The following PSPC1 variants were observed in gnomAD, a reference collection of about 807,000 sequenced individuals.
The protein encoded by PSPC1 is paraspeckle protein 1.
Under a neutral mutation model 51.6 loss-of-function variants are expected in PSPC1, and 14 were observed. The ratio of observed to expected loss-of-function variants is 0.27; its 90% CI spans 0.18 to 0.42. PSPC1 has a LOEUF of 0.42. PSPC1 is among the 10% of genes least tolerant of loss of function. PSPC1 has a pLI of 1.00. For missense variants in PSPC1, 406 were observed against 701.1 expected (o/e 0.58, Z 4.75); for synonymous variants, 193 against 231.9 (o/e 0.83, Z 1.53).
At chr13:19,671,220 T>A (rs759366173), downstream of PSPC1, 241 of 1,613,948 alleles carry the variant, frequency 1.5e-4, no homozygotes, top group Non-Finnish European at 2.0e-4. Flanking sequence ...GTCATTTTGT[T>A]TACTCATTCA....
intron 1 of PSPC1, among the ~76,000 whole-genome samples, chr13:19,777,429 CA>C (rs397938970): frequency 6.1e-3 from 291 of 47,894 alleles, no homozygotes; most frequent in South Asian, 8.2e-3. Context: ...GACCTCAGCT[CA>C]AAAAAAAAAA....
chr13:19,703,154 TAGCCAGGA>T lies in PSPC1; in HGVS notation c.*13_*20del. On this transcript the variant is annotated 3_prime_UTR_variant, in exon 9 of 9. Transcript: ENST00000338910. ...TACCACTGACTTTTTTTTTTCTAGA[TAGCCAGGA>T]ATGAACGAATGTTTAATATCTACGA... 6.2e-7 allele frequency: 1 copy of T among 1,607,138 alleles called. No homozygotes were observed. Among genetic ancestry groups the T allele is most frequent in the Non-Finnish European group, 8.5e-7 (1 of 1,176,022 alleles).
downstream of PSPC1, among the ~76,000 whole-genome samples, chr13:19,674,045 T>C (rs889431087): frequency 6.6e-6 from 1 of 152,208 alleles, no homozygotes; most frequent in Non-Finnish European, 1.5e-5. Flanking sequence ...GCCTAGGACA[T>C]AGGTGATCTC....
chr13:19,779,016 C>T (rs1183521141), intron 1 of PSPC1, among the ~76,000 whole-genome samples: 1 of 139,360 alleles, frequency 7.2e-6, no homozygotes, highest in Non-Finnish European at 1.6e-5. Context: ...AGCGCCTCTG[C>T]CCCGCTGCCC....
intron 6 of PSPC1, among the ~76,000 whole-genome samples, chr13:19,723,850 G>A (rs1026710205): frequency 6.6e-6 from 1 of 152,242 alleles, no homozygotes; most frequent in South Asian, 2.1e-4. Context: ...ATTAACAACC[G>A]AAACTAGTCA....
chr13:19,754,568 T>C (rs1886884805), intron 3 of PSPC1, among the ~76,000 whole-genome samples: 1 of 150,320 alleles, frequency 6.7e-6, no homozygotes, highest in Non-Finnish European at 1.5e-5. Context: ...GCCTCCCGAA[T>C]AGCTGGGATT....
downstream of PSPC1, chr13:19,671,851 T>G: frequency 6.2e-7 from 1 of 1,614,138 alleles, no homozygotes; most frequent in Non-Finnish European, 8.5e-7. Context: ...TGCTAATAGG[T>G]GCATACAGAG....
chr13:19,781,958 A>G (rs1485990942), intron 1 of PSPC1, among the ~76,000 whole-genome samples: 1 of 152,198 alleles, frequency 6.6e-6, no homozygotes, highest in African/African-American at 2.4e-5. Flanking sequence ...TGTACATCCA[A>G]TTCGTTTTTT....
intron 7 of PSPC1, chr13:19,675,225 A>AGTT (rs1414574576): frequency 2.0e-5 from 3 of 152,284 alleles, no homozygotes; most frequent in Admixed American, 6.5e-5. Context: ...CAATTTTGAG[A>AGTT]GTTGACCCAA....
At chr13:19,671,573 T>C (rs1273683426), downstream of PSPC1, among the ~76,000 whole-genome samples, 1 of 152,210 alleles carries the variant, frequency 6.6e-6, no homozygotes, top group African/African-American at 2.4e-5. Flanking sequence ...CAAATGTATG[T>C]CTTTAGGCCG....
downstream of PSPC1, among the ~76,000 whole-genome samples, chr13:19,697,660 A>G (rs1879417422): frequency 6.6e-6 from 1 of 152,188 alleles, no homozygotes; most frequent in Non-Finnish European, 1.5e-5. Flanking sequence ...ACAGTGATTA[A>G]CAACTAAGCA....
chr13:19,749,987 T>G (rs1886372509), intron 4 of PSPC1, among the ~76,000 whole-genome samples: 4 of 152,178 alleles, frequency 2.6e-5, no homozygotes. Context: ...GACTTCATCA[T>G]AAGTGCTCAA....
chr13:19,714,881 T>C (rs1483181038), intron 6 of PSPC1, among the ~76,000 whole-genome samples: 1 of 152,200 alleles, frequency 6.6e-6, no homozygotes, highest in Non-Finnish European at 1.5e-5. Context: ...GTTATTAACA[T>C]ACTCCTCCCT....
chr13:19,703,032 A>G lies in PSPC1; in HGVS notation c.*143T>C. ...AAGCTCATGAATAAAGAAAAATACA[A>G]AAACCTCAAGTTTTACAAAAAAAAA... is the stretch of plus-strand genomic sequence containing the variant. On this transcript the variant is annotated 3_prime_UTR_variant, in exon 9 of 9. Coordinates refer to ENST00000338910, the MANE Select transcript of PSPC1 (RefSeq NM_001354909.2). The G allele has an allele frequency of 1.9e-6, 1 of 529,836 alleles. No homozygotes were observed. Among genetic ancestry groups the G allele is most frequent in the Admixed American group, 3.7e-5 (1 of 27,250 alleles). 32.8% of individuals were successfully genotyped at this position (529,836 alleles called of 1,614,324 possible).
downstream of PSPC1, among the ~76,000 whole-genome samples, chr13:19,698,975 A>C (rs1173262294): frequency 6.6e-6 from 1 of 151,904 alleles, no homozygotes; most frequent in Non-Finnish European, 1.5e-5. Context: ...ATCAAATAGT[A>C]AGTTTCAACA....
chr13:19,751,962 G>A (rs964548251), intron 3 of PSPC1, among the ~76,000 whole-genome samples: 1 of 152,180 alleles, frequency 6.6e-6, no homozygotes, highest in African/African-American at 2.4e-5. Context: ...GGAGGCTGAG[G>A]CAGGAGAATG....
At chr13:19,720,551 A>G (rs1882643007) in intron 6 of PSPC1, among the ~76,000 whole-genome samples, 1 of 152,342 alleles carries the variant, frequency 6.6e-6, no homozygotes, top group East Asian at 1.9e-4. Context: ...TTTTCTTCTA[A>G]GTAACTAACT....
At chr13:19,722,967 C>T (rs1329778722) in intron 6 of PSPC1, among the ~76,000 whole-genome samples, 1 of 151,800 alleles carries the variant, frequency 6.6e-6, no homozygotes, top group Non-Finnish European at 1.5e-5. Context: ...AAAAATTAGC[C>T]GGATGTAGTG....
intron 6 of PSPC1, among the ~76,000 whole-genome samples, chr13:19,722,332 A>AT (rs1882868099): frequency 6.6e-6 from 1 of 152,026 alleles, no homozygotes; most frequent in African/African-American, 2.4e-5. Flanking sequence ...CTCCAACTCT[A>AT]CAAAAAAAAT....
Sources: gnomAD v4.1 joint callset for allele counts (sites outside exome capture counted in the v4.1 genomes callset) on GRCh38, gnomAD v4.1.1 for gene constraint, MANE v1.5 for transcripts, NCBI Gene and HGNC (gene_info 2026-07-23, HGNC 2026-07-21) for gene names.